Variants in IGFBP1 observed in about 807,000 individuals in gnomAD.
IGFBP1 encodes insulin-like growth factor-binding protein 1.
Under a neutral mutation model 23.1 loss-of-function variants are expected in IGFBP1, and 31 were observed. That is an observed-to-expected ratio of 1.34 (90% CI 1.01 to 1.81). The LOEUF (loss-of-function observed/expected upper bound fraction) is 1.81. Among genes scored for constraint, IGFBP1 ranks in the 40% most tolerant of loss-of-function variants. The pLI is 0.00. For missense variants in IGFBP1, 333 were observed against 342.2 expected, an observed-to-expected ratio of 0.97 and a Z score of 0.21; for synonymous variants, 148 against 145.5, an observed-to-expected ratio of 1.02 and a Z score of -0.13.
rs1179958913 is a variant in IGFBP1, at chr7:45,892,130, G to A, written c.648+70G>A. The stretch of plus-strand genomic sequence containing the variant: ...CTGCCCTACATTCCTGCCAAGCCAC[G>A]GTCATTCATGTCAAAGAAGGTCCAC... On this transcript the variant is annotated intron_variant, in intron 3 of 3. Coordinates refer to ENST00000275525, the MANE Select transcript of IGFBP1 (RefSeq NM_000596.4). 1.4e-5 allele frequency: 21 copies of A among 1,535,814 alleles called. No individual in the cohort carries two copies. In the East Asian group the frequency reaches 3.1e-4, roughly 23 times the overall value.
Position 45,888,648 on chromosome 7 carries a change from T to C in IGFBP1, c.-5T>C, listed in dbSNP as rs1246568324. On this transcript the variant is annotated 5_prime_UTR_variant, in exon 1 of 4. Coordinates refer to ENST00000275525, the MANE Select transcript of IGFBP1 (RefSeq NM_000596.4). ...TCGGCCCCTGTCTGCTGCTCGCGCC[T>C]GGAGATGTCAGAGGTCCCCGTTGCT... The C allele has an allele frequency of 6.3e-7, 1 of 1,595,592 alleles. No homozygotes were observed. The highest frequency in any genetic ancestry group is 1.7e-5 in the Admixed American group (1 of 59,794).
chr7:45,888,757 C>G lies in IGFBP1; in HGVS notation c.105C>G (p.Ala35=), dbSNP rs555273668. 6 of 1,580,524 alleles carry G rather than the reference C, an allele frequency of 3.8e-6. No individual in the cohort carries two copies. The African/African-American group carries it at 4.0e-5, about 11-fold the overall frequency. Residue 35 remains alanine (A), a synonymous_variant, in exon 1 of 4, where the codon GCC becomes GCG. Transcript: ENST00000275525. ...GAPWQCAPCS[A]EKLALCPPVS... Reference sequence around the variant, plus strand: ...CGTGGCAGTGCGCGCCCTGCTCCGCCGAGAAGCTCGCGCTCTGCCCGCCGG... The same window carrying G: ...CGTGGCAGTGCGCGCCCTGCTCCGCGGAGAAGCTCGCGCTCTGCCCGCCGG...
intron 1 of IGFBP1, among the ~76,000 whole-genome samples, chr7:45,889,554 G>A (rs1352761408): frequency 6.6e-6 from 1 of 152,240 alleles, no homozygotes; most frequent in Non-Finnish European, 1.5e-5. Context: ...TGAGAGTTGA[G>A]GCTAAAAGCT....
At chr7:45,890,813 C>A in intron 2 of IGFBP1, 96 bp downstream of exon 2, 1 of 1,042,228 alleles carries the variant, frequency 9.6e-7, no homozygotes, top group Non-Finnish European at 1.4e-6. Context: ...CTTCCTGGTC[C>A]TGATGCCCTG....
In IGFBP1 at chr7:45,893,317, A is replaced by C. The variant is rs1389112632; in HGVS notation, c.*226A>C. On this transcript the variant is annotated 3_prime_UTR_variant, in exon 4 of 4. Transcript: ENST00000275525. ...TATGTTAATAACTTGTCCTATGTCA[A>C]TTTGTATATCATGAAACACTTCTCA... is the stretch of plus-strand genomic sequence containing the variant. 5.5e-6 allele frequency: 1 copy of C among 180,828 alleles called. No individual in the cohort carries two copies. The highest frequency in any genetic ancestry group is 2.4e-5 in the African/African-American group (1 of 42,286). The allele number at this position is 180,828 out of a possible 1,614,324, so 11.2% of individuals were successfully genotyped here. A position where few individuals can be genotyped will look rare whatever the true frequency, so the allele number is the denominator to read the frequency against.
intron 1 of IGFBP1, 71 bp downstream of exon 1, chr7:45,889,072 C>G (rs1361903939): frequency 6.8e-6 from 8 of 1,175,662 alleles, no homozygotes; most frequent in Non-Finnish European, 9.2e-6. Context: ...CGCCCCCACT[C>G]CCCTAACTAC....
In IGFBP1 at chr7:45,893,639, CAATA is replaced by C. The variant is rs1787126216; in HGVS notation, c.*553_*556del. On this transcript the variant is annotated 3_prime_UTR_variant, in exon 4 of 4. Coordinates refer to ENST00000275525, the MANE Select transcript of IGFBP1 (RefSeq NM_000596.4). Reference sequence around the variant, plus strand: ...CACGTGTCTATAATGGAAACATTTACAATAAATATTCTGCATGGAAATACTGTTA... The same window carrying C: ...CACGTGTCTATAATGGAAACATTTACAATATTCTGCATGGAAATACTGTTA... The C allele has an allele frequency of 6.6e-6, 1 of 152,150 alleles. No individual in the cohort carries two copies. Among genetic ancestry groups the C allele is most frequent in the African/African-American group, 2.4e-5 (1 of 41,424 alleles). The allele number at this position is 152,150 out of a possible 1,614,324, so 9.4% of individuals were successfully genotyped here.
chr7:45,890,809 G>A (rs1787068440), intron 2 of IGFBP1, 92 bp downstream of exon 2: 4 of 1,080,664 alleles, frequency 3.7e-6, no homozygotes, highest in Non-Finnish European at 5.3e-6. Context: ...ACTCCTTCCT[G>A]GTCCTGATGC....
chr7:45,891,352 C>G (rs1469975316), intron 2 of IGFBP1, among the ~76,000 whole-genome samples: 1 of 152,122 alleles, frequency 6.6e-6, no homozygotes, highest in Non-Finnish European at 1.5e-5. Flanking sequence ...CACAAACATG[C>G]CTACCCAGAA....
Position 45,888,869 on chromosome 7 carries a change from G to T in IGFBP1, c.217G>T (p.Val73Leu), listed in dbSNP as rs779860070. The change falls in exon 1 of 4, where the codon GTG (valine) becomes TTG (leucine). Residue 73 changes from valine (V) to leucine (L), a missense_variant. Physicochemically the swap from Val to Leu is conservative, Grantham distance 32 (BLOSUM62 1). Coordinates refer to ENST00000275525, the MANE Select transcript of IGFBP1 (RefSeq NM_000596.4). Reference protein sequence around the residue: ...CALPLGAACGVATARCARGLS... With the variant: ...CALPLGAACGLATARCARGLS... ...CCTGCCTCTGGGCGCCGCGTGCGGC[G>T]TGGCGACTGCACGCTGCGCCCGGGG... 2.6e-6 allele frequency: 4 copies of T among 1,510,688 alleles called. No individual in the cohort carries two copies. The highest frequency in any genetic ancestry group is 3.5e-6 in the Non-Finnish European group (4 of 1,139,344). The allele number at this position is 1,510,688 out of a possible 1,614,324, so 93.6% of individuals were successfully genotyped here. A position where few individuals can be genotyped will look rare whatever the true frequency, so the allele number is the denominator to read the frequency against.
intron 1 of IGFBP1, 25 bp downstream of exon 1, chr7:45,889,026 A>G: frequency 2.7e-6 from 4 of 1,474,406 alleles, no homozygotes; most frequent in Non-Finnish European, 3.6e-6. Flanking sequence ...CCCCTGCTCC[A>G]GCACCTCCTG....
At chr7:45,892,856 T>C (rs1787100877) in intron 3 of IGFBP1, 104 bp from the exon 4 acceptor site, 4 of 1,075,444 alleles carry the variant, frequency 3.7e-6, no homozygotes, top group Non-Finnish European at 5.4e-6. Context: ...ACTCTTGGCT[T>C]GGCTCTGCAG....
chr7:45,893,407 C>G lies in IGFBP1; in HGVS notation c.*316C>G, dbSNP rs7454. On this transcript the variant is annotated 3_prime_UTR_variant, in exon 4 of 4. Transcript: ENST00000275525. ...AGCTCCTGCGTCTGTTTTTAAAGAG[C>G]ATGGAAAAATACTGCCTAGAAAATG... is the stretch of plus-strand genomic sequence containing the variant. 5,328 of 153,260 alleles carry G rather than the reference C, an allele frequency of 0.035. 135 individuals are homozygous for G. Among genetic ancestry groups the G allele is most frequent in the Admixed American group, 0.049 (754 of 15,354 alleles). 9.5% of individuals were successfully genotyped at this position (153,260 alleles called of 1,614,324 possible).
At chr7:45,889,096 A>G in intron 1 of IGFBP1, 95 bp downstream of exon 1, 1 of 950,406 alleles carries the variant, frequency 1.1e-6, no homozygotes, top group Non-Finnish European at 1.5e-6. Flanking sequence ...GTGGGGCTGC[A>G]GCCGGGCAGG....
Position 45,888,941 on chromosome 7 carries a change from CTCACCCGCGGCCAAG to C in IGFBP1, c.290_304del (p.Leu97_Gly102delinsArg). 1 of 1,523,700 alleles carries C rather than the reference CTCACCCGCGGCCAAG, an allele frequency of 6.6e-7. No individual in the cohort carries two copies. The highest frequency in any genetic ancestry group is 8.7e-7 in the Non-Finnish European group (1 of 1,143,480). The allele number at this position is 1,523,700 out of a possible 1,614,324, so 94.4% of individuals were successfully genotyped here. A position where few individuals can be genotyped will look rare whatever the true frequency, so the allele number is the denominator to read the frequency against. On this transcript the variant is annotated inframe_deletion, in exon 1 of 4. Transcript: ENST00000275525. ...GGGGGAGCAGCAACCTCTGCACGCC[CTCACCCGCGGCCAAG>C]GCGCCTGCGTGCAGGAGTCTGACGC...
At chr7:45,890,405 G>T in intron 1 of IGFBP1, 143 bp from the exon 2 acceptor site, 1 of 743,950 alleles carries the variant, frequency 1.3e-6, no homozygotes, top group Non-Finnish European at 2.2e-6. Context: ...CCTTTACAGT[G>T]AGAGTCAGTG....
chr7:45,890,403 G>C (rs894190691), intron 1 of IGFBP1, 145 bp from the exon 2 acceptor site: 27 of 738,216 alleles, frequency 3.7e-5, no homozygotes, highest in Non-Finnish European at 6.6e-6. Context: ...GTCCTTTACA[G>C]TGAGAGTCAG....
chr7:45,888,545 C>T lies in IGFBP1; in HGVS notation c.-108C>T. Reference sequence around the variant, plus strand: ...TGCCGCCGCGCCGCCGCCACCCTCCCAGAGAGCACTGGCCACCGCTCCACC... The same window carrying T: ...TGCCGCCGCGCCGCCGCCACCCTCCTAGAGAGCACTGGCCACCGCTCCACC... On this transcript the variant is annotated 5_prime_UTR_variant, in exon 1 of 4. Transcript: ENST00000275525. 1.0e-6 allele frequency: 1 copy of T among 959,848 alleles called. No individual in the cohort carries two copies. The highest frequency in any genetic ancestry group is 1.6e-6 in the Non-Finnish European group (1 of 639,700). 59.5% of individuals were successfully genotyped at this position (959,848 alleles called of 1,614,324 possible). A position where few individuals can be genotyped will look rare whatever the true frequency, so the allele number is the denominator to read the frequency against.
intron 1 of IGFBP1, 71 bp downstream of exon 1, chr7:45,889,072 C>T (rs1361903939): frequency 6.0e-6 from 7 of 1,175,662 alleles, no homozygotes; most frequent in African/African-American, 3.2e-5. Flanking sequence ...CGCCCCCACT[C>T]CCCTAACTAC....
Sources: gnomAD v4.1 joint callset for allele counts (sites outside exome capture counted in the v4.1 genomes callset) on GRCh38, gnomAD v4.1.1 for gene constraint, MANE v1.5 for transcripts, NCBI Gene and HGNC (gene_info 2026-07-23, HGNC 2026-07-21) for gene names.